Variants in GALNT14 observed in about 807,000 individuals in gnomAD.
GALNT14 encodes polypeptide N-acetylgalactosaminyltransferase 14, also known as UDP-GalNAc:polypeptide N-acetylgalactosaminyltransferase 14.
In GALNT14, 60 loss-of-function variants were observed where a neutral mutation model predicts 77.5. That is an observed-to-expected ratio of 0.77 (90% CI 0.63 to 0.96). The LOEUF (loss-of-function observed/expected upper bound fraction) is 0.96, where lower values mean the gene tolerates loss of function less well. Ranked by LOEUF, GALNT14 falls within the 40% of genes least tolerant of loss-of-function variation. The probability of loss-of-function intolerance (pLI) is 0.00; values close to 1 mark genes in which losing one functional copy is unlikely to be tolerated. For synonymous variants in GALNT14, 280 were observed against 281.7 expected (o/e 0.99, Z 0.06); for missense variants, 710 against 731.0 (o/e 0.97, Z 0.33).
At chr2:31,031,273 G>T (rs545593911) in intron 1 of GALNT14, among the ~76,000 whole-genome samples, 1 of 152,248 alleles carries the variant, frequency 6.6e-6, no homozygotes, top group East Asian at 1.9e-4. Flanking sequence ...AGGTTGGGGA[G>T]AAAGTCCCAA....
the GALNT14 span, among the ~76,000 whole-genome samples, chr2:30,889,011 T>G: frequency 6.7e-6 from 1 of 148,282 alleles, no homozygotes; most frequent in Non-Finnish European, 1.5e-5. Context: ...GGGGCCAGAA[T>G]CACGAAGATC....
intron 13 of GALNT14, 149 bp downstream of exon 13, chr2:30,923,970 G>A (rs1404398125): frequency 7.0e-6 from 6 of 860,726 alleles, no homozygotes; most frequent in Non-Finnish European, 9.5e-6. Context: ...TGGCAGAGTG[G>A]GGGGATCACA....
chr2:30,906,227 T>C (rs1003185887), downstream of GALNT14, among the ~76,000 whole-genome samples: 1 of 151,056 alleles, frequency 6.6e-6, no homozygotes, highest in African/African-American at 2.4e-5. Context: ...ACTTTAAATG[T>C]AAATGGACTA....
At chr2:31,126,501 G>T (rs534903817) in intron 1 of GALNT14, among the ~76,000 whole-genome samples, 1 of 152,078 alleles carries the variant, frequency 6.6e-6, no homozygotes, top group Non-Finnish European at 1.5e-5. Flanking sequence ...TAAGAATGCC[G>T]GCCGTGCAGT....
chr2:31,099,759 A>C (rs890016489), intron 1 of GALNT14, among the ~76,000 whole-genome samples: 6 of 151,928 alleles, frequency 3.9e-5, no homozygotes, highest in Non-Finnish European at 5.9e-5. Context: ...CTATGTGTGC[A>C]TGTCTCTGTA....
intron 1 of GALNT14, among the ~76,000 whole-genome samples, chr2:31,087,519 G>GGAGAGGAGAAGAGAGGAGAA (rs1198167970): frequency 6.7e-6 from 1 of 149,922 alleles, no homozygotes; most frequent in African/African-American, 2.5e-5. Context: ...AGAGAGGAGA[G>GGAGAGGAGAAGAGAGGAGAA]GAGAGGCGAG....
rs750201727 is a variant in GALNT14 at position 31,137,977 on chromosome 2, G to A, written c.110C>T (p.Pro37Leu). The A allele has an allele frequency of 2.3e-5, 37 of 1,613,378 alleles. No individual in the cohort carries two copies. Among genetic ancestry groups the A allele is most frequent in the Non-Finnish European group, 1.9e-5 (22 of 1,179,662 alleles). ...TKRKLEVPTG[P>L]EVQTPKPSDA... is the part of the protein sequence containing the mutation. ...GCCTACCTTAGGGGTCTGCACTTCA[G>A]GTCCCGTCGGCACCTCCAACTTCCT... Residue 37 changes from proline (P) to leucine (L), a missense_variant, in exon 1 of 15, where the codon CCT becomes CTT. Pro to Leu is a moderately conservative substitution (Grantham distance 98). Transcript: ENST00000349752.
At chr2:30,913,492 C>A (rs1664494215) in intron 13 of GALNT14, among the ~76,000 whole-genome samples, 1 of 152,176 alleles carries the variant, frequency 6.6e-6, no homozygotes, top group South Asian at 2.1e-4. Context: ...TCTCCATCTT[C>A]CCTCCTGGTC....
chr2:31,080,912 C>T (rs1676118520), intron 1 of GALNT14, among the ~76,000 whole-genome samples: 1 of 152,094 alleles, frequency 6.6e-6, no homozygotes, highest in Non-Finnish European at 1.5e-5. Context: ...ATATATGTGG[C>T]CACGTTCTAA....
At chr2:31,051,263 G>C (rs909200054) in intron 1 of GALNT14, among the ~76,000 whole-genome samples, 2 of 152,306 alleles carry the variant, frequency 1.3e-5, no homozygotes, top group African/African-American at 4.8e-5. Flanking sequence ...GCTGCAGTGC[G>C]CAGTTGCTTG....
At chr2:30,927,441 T>C (rs1158608584) in intron 11 of GALNT14, among the ~76,000 whole-genome samples, 1 of 152,156 alleles carries the variant, frequency 6.6e-6, no homozygotes, top group Non-Finnish European at 1.5e-5. Flanking sequence ...TGCGTGCACA[T>C]TAATGTCTGA....
intron 2 of GALNT14, among the ~76,000 whole-genome samples, 174 bp downstream of exon 2, chr2:30,992,664 T>C (rs1312205762): frequency 6.6e-6 from 1 of 152,158 alleles, no homozygotes; most frequent in East Asian, 1.9e-4. Flanking sequence ...CAGTAAGCAG[T>C]AGGCAACACA....
At chr2:30,932,504 G>T (rs1414102610) in intron 9 of GALNT14, among the ~76,000 whole-genome samples, 2 of 152,248 alleles carry the variant, frequency 1.3e-5, no homozygotes, top group Non-Finnish European at 2.9e-5. Context: ...GAAAGGAGGA[G>T]CCTTGGGGGC....
intron 1 of GALNT14, among the ~76,000 whole-genome samples, chr2:31,072,907 T>A (rs1675508463): frequency 6.6e-6 from 1 of 152,196 alleles, no homozygotes; most frequent in African/African-American, 2.4e-5. Flanking sequence ...GATAAATTGG[T>A]TTTTGCTCTT....
chr2:30,976,338 A>T (rs1226435399), intron 2 of GALNT14, among the ~76,000 whole-genome samples: 1 of 152,220 alleles, frequency 6.6e-6, no homozygotes, highest in African/African-American at 2.4e-5. Flanking sequence ...CTGCATTTAA[A>T]GACCTCCTAG....
At chr2:31,081,039 G>A (rs1676128186) in intron 1 of GALNT14, among the ~76,000 whole-genome samples, 1 of 152,184 alleles carries the variant, frequency 6.6e-6, no homozygotes, top group Non-Finnish European at 1.5e-5. Flanking sequence ...AACATTCTGA[G>A]GCTGATAAGA....
chr2:31,000,227 G>C (rs1670280627), intron 1 of GALNT14, among the ~76,000 whole-genome samples: 1 of 152,172 alleles, frequency 6.6e-6, no homozygotes, highest in African/African-American at 2.4e-5. Context: ...GTTTAGAGCT[G>C]AAGTGGGGAT....
chr2:30,942,426 GA>G, intron 8 of GALNT14, 122 bp from the exon 9 acceptor site: 1 of 669,760 alleles, frequency 1.5e-6, no homozygotes, highest in African/African-American at 1.8e-5. Context: ...CCCATTGAGG[GA>G]AGAAAACTCT....
At chr2:31,072,034 A>C (rs1675410447) in intron 1 of GALNT14, among the ~76,000 whole-genome samples, 1 of 152,138 alleles carries the variant, frequency 6.6e-6, no homozygotes, top group Admixed American at 6.5e-5. Context: ...AGAAAAGAGA[A>C]GAGGGCATGG....
Sources: gnomAD v4.1 joint callset for allele counts (sites outside exome capture counted in the v4.1 genomes callset) on GRCh38, gnomAD v4.1.1 for gene constraint, MANE v1.5 for transcripts, NCBI Gene and HGNC (gene_info 2026-07-23, HGNC 2026-07-21) for gene names.